ATG2B: variants seen among roughly 807,000 people sequenced by gnomAD.
ATG2B encodes autophagy-related protein 2 homolog B.
Under a neutral mutation model 241.3 loss-of-function variants are expected in ATG2B, and 121 were observed. The observed-to-expected ratio is 0.50, with a 90% CI of 0.43 to 0.58. ATG2B has a LOEUF of 0.58. Ranked by LOEUF, ATG2B falls within the 20% of genes least tolerant of loss-of-function variation. The pLI is 0.00. For synonymous variants in ATG2B, 858 were observed against 876.6 expected, an observed-to-expected ratio of 0.98 and a Z score of 0.37; for missense variants, 2,306 against 2,491.6, an observed-to-expected ratio of 0.93 and a Z score of 1.59.
At position 96,332,606 on chromosome 14, in the gene ATG2B, G is replaced by C. The variant is rs769459674; in HGVS notation, c.1257C>G (p.Leu419=). The C allele has an allele frequency of 6.2e-7, 1 of 1,604,124 alleles. No individual in the cohort carries two copies. The highest frequency in any genetic ancestry group is 8.5e-7 in the Non-Finnish European group (1 of 1,176,994). The change falls in exon 9 of 42, where the codon CTC becomes CTG. Residue 419 remains leucine, a synonymous_variant. Coordinates refer to ENST00000359933, the MANE Select transcript of ATG2B (RefSeq NM_018036.7). ...GGTCCCCAAGGGGTGGAAGAGAAGA[G>C]AGACTATGAGACATGTCCATATCAG... is the stretch of plus-strand genomic sequence containing the variant. ...SMADMDMSHS[L]SSLPPLGDPP...
intron 29 of ATG2B, among the ~76,000 whole-genome samples, chr14:96,308,283 T>TGTATATATATA (rs1491275020): frequency 6.6e-5 from 2 of 30,234 alleles, no homozygotes; most frequent in Non-Finnish European, 1.3e-4. Flanking sequence ...TATATATATA[T>TGTATATATATA]TTTTTTTTTT....
chr14:96,321,125 G>T (rs977954962), intron 18 of ATG2B, among the ~76,000 whole-genome samples: 2 of 151,972 alleles, frequency 1.3e-5, no homozygotes, highest in African/African-American at 4.8e-5. Flanking sequence ...AAGAATCCTG[G>T]AACTTAATTT....
intron 4 of ATG2B, among the ~76,000 whole-genome samples, chr14:96,343,702 T>C (rs1391291828): frequency 1.3e-5 from 2 of 152,212 alleles, no homozygotes; most frequent in East Asian, 3.8e-4. Context: ...TTGGTAACAG[T>C]GTGACAGCAT....
chr14:96,291,836 T>A (rs1284819331), intron 37 of ATG2B, 154 bp from the exon 38 acceptor site: 1 of 616,346 alleles, frequency 1.6e-6, no homozygotes, highest in Admixed American at 3.4e-5. Flanking sequence ...ACAATACATA[T>A]GACCCAATTT....
rs1459653109 is a variant in ATG2B at position 96,282,116 on chromosome 14, T to G, written c.*3639A>C. 1 of 152,104 alleles carries G rather than the reference T, an allele frequency of 6.6e-6. No individual in the cohort carries two copies. Among genetic ancestry groups the G allele is most frequent in the African/African-American group, 2.4e-5 (1 of 41,414 alleles). 9.4% of individuals were successfully genotyped at this position (152,104 alleles called of 1,614,324 possible). ...CACTATTTGTCTTATATGAAAAGAGTGACTCTATCTTCCAGTAAACAAGAT... is the reference window on the plus strand; with the variant it reads ...CACTATTTGTCTTATATGAAAAGAGGGACTCTATCTTCCAGTAAACAAGAT... On this transcript the variant is annotated 3_prime_UTR_variant, in exon 42 of 42. Coordinates refer to ENST00000359933, the MANE Select transcript of ATG2B (RefSeq NM_018036.7).
intron 5 of ATG2B, 65 bp from the exon 6 acceptor site, chr14:96,341,766 TATAA>T: frequency 8.4e-7 from 1 of 1,188,554 alleles, no homozygotes; most frequent in African/African-American, 1.5e-5. Flanking sequence ...AAATGTAAAA[TATAA>T]ATGTCAACTT....
In ATG2B at chr14:96,316,549, G is replaced by A. The variant is rs1264410395; in HGVS notation, c.3345C>T (p.Phe1115=). 1 of 1,613,420 alleles carries A rather than the reference G, an allele frequency of 6.2e-7. No homozygotes were observed. The highest frequency in any genetic ancestry group is 8.5e-7 in the Non-Finnish European group (1 of 1,179,806). ...TTGTCCTACCTTTATGGTACAGACTGAAACTGCTAGAATGAAGGCAAATGT... is the reference window on the plus strand; with the variant it reads ...TTGTCCTACCTTTATGGTACAGACTAAAACTGCTAGAATGAAGGCAAATGT... ...KHYICLHSSS[F]SLYHKGIVNG... Residue 1115 remains phenylalanine (F), a synonymous_variant, in exon 21 of 42, where the codon TTC becomes TTT. Transcript: ENST00000359933.
At position 96,355,110 on chromosome 14, in the gene ATG2B, G is replaced by C. The variant is rs140802052; in HGVS notation, c.162+7705C>G. Among the ~76,000 whole-genome samples, 712 of 152,268 alleles carry C rather than the reference G, an allele frequency of 4.7e-3. 6 individuals are homozygous for C. Among genetic ancestry groups the C allele is most frequent in the African/African-American group, 0.017 (693 of 41,562 alleles). Reference sequence around the variant, plus strand: ...AGGCTGTCTGTTCATTCTGATGACAGTTTCTTTTGCTGTGCAGAAGCTCTT... The same window carrying C: ...AGGCTGTCTGTTCATTCTGATGACACTTTCTTTTGCTGTGCAGAAGCTCTT... On this transcript the variant is annotated intron_variant, in intron 1 of 41. Transcript: ENST00000359933.
intron 33 of ATG2B, among the ~76,000 whole-genome samples, chr14:96,302,510 G>A (rs1886819983): frequency 6.6e-6 from 1 of 152,154 alleles, no homozygotes; most frequent in Non-Finnish European, 1.5e-5. Flanking sequence ...TTGAGCGCAG[G>A]AGGTCACGGC....
chr14:96,343,089 T>G, intron 5 of ATG2B, 30 bp downstream of exon 5: 1 of 1,481,608 alleles, frequency 6.7e-7, no homozygotes, highest in Non-Finnish European at 9.0e-7. Flanking sequence ...AATCTATGAT[T>G]ATGGTTTTAG....
At chr14:96,297,004 T>C (rs751382485) in intron 34 of ATG2B, among the ~76,000 whole-genome samples, 5 of 152,114 alleles carry the variant, frequency 3.3e-5, no homozygotes, top group Non-Finnish European at 5.9e-5. Flanking sequence ...GGTGGTTTCG[T>C]CAGTAGTGGA....
In ATG2B at chr14:96,282,196, C is replaced by A. The variant is rs1407143699; in HGVS notation, c.*3559G>T. 6.6e-6 allele frequency: 1 copy of A among 152,198 alleles called. No individual in the cohort carries two copies. The highest frequency in any genetic ancestry group is 1.5e-5 in the Non-Finnish European group (1 of 68,030). 9.4% of individuals were successfully genotyped at this position (152,198 alleles called of 1,614,324 possible). A position where few individuals can be genotyped will look rare whatever the true frequency, so the allele number is the denominator to read the frequency against. ...CATTATCTATAAACTATACAAATAA[C>A]CTTCCTTTTTAACCTAAGACTCAAA... On this transcript the variant is annotated 3_prime_UTR_variant, in exon 42 of 42. Transcript: ENST00000359933.
At chr14:96,345,210 G>T (rs540566192) in intron 3 of ATG2B, 23 bp downstream of exon 3, 7 of 1,591,322 alleles carry the variant, frequency 4.4e-6, no homozygotes, top group Non-Finnish European at 6.0e-6. Context: ...CTAAATTTTT[G>T]AAAATTCTCA....
intron 11 of ATG2B, 22 bp from the exon 12 acceptor site, chr14:96,329,656 T>G: frequency 6.7e-7 from 1 of 1,503,738 alleles, no homozygotes; most frequent in Non-Finnish European, 9.2e-7. Flanking sequence ...AATGCACCAT[T>G]TAAGATTATT....
chr14:96,328,867 G>A lies in ATG2B; in HGVS notation c.1882-101C>T, dbSNP rs543625998. 5.1e-5 allele frequency: 43 copies of A among 850,852 alleles called. 1 individual carries two copies. The South Asian group carries it at 8.9e-4, about 18-fold the overall frequency. The allele number at this position is 850,852 out of a possible 1,614,324, so 52.7% of individuals were successfully genotyped here. A position where few individuals can be genotyped will look rare whatever the true frequency, so the allele number is the denominator to read the frequency against. ...AAGGCTTTCTGAAGTCAGAAATCTG[G>A]TTTTAAGTTTCATTTTTGTCACTTA... On this transcript the variant is annotated intron_variant, in intron 12 of 41. Transcript: ENST00000359933.
chr14:96,328,702 T>C lies in ATG2B; in HGVS notation c.1946A>G (p.Tyr649Cys). 1 of 1,611,526 alleles carries C rather than the reference T, an allele frequency of 6.2e-7. No individual in the cohort carries two copies. Among genetic ancestry groups the C allele is most frequent in the Non-Finnish European group, 8.5e-7 (1 of 1,179,206 alleles). Residue 649 changes from tyrosine (Y) to cysteine (C), a missense_variant, in exon 13 of 42, where the codon TAT becomes TGT. Coordinates refer to ENST00000359933, the MANE Select transcript of ATG2B (RefSeq NM_018036.7). ...SHSPVCLQLH[Y>C]KHSENRGPQG... is the part of the protein sequence containing the mutation. ...GGGCCCTCTATTCTCAGAATGCTTA[T>C]AATGAAGCTGAAGACACACAGGGGA...
intron 31 of ATG2B, 66 bp downstream of exon 31, chr14:96,305,523 A>T: frequency 8.9e-7 from 1 of 1,126,678 alleles, no homozygotes; most frequent in Non-Finnish European, 1.3e-6. Context: ...GGAAATGGAA[A>T]ATTCTATTTT....
Position 96,363,251 on chromosome 14 carries a change from C to A in ATG2B, c.-275G>T, listed in dbSNP as rs967917861. The A allele has an allele frequency of 1.3e-5, 5 of 374,130 alleles. No homozygotes were observed. Among genetic ancestry groups the A allele is most frequent in the African/African-American group, 4.3e-5 (2 of 46,252 alleles). 23.2% of individuals were successfully genotyped at this position (374,130 alleles called of 1,614,324 possible). A position where few individuals can be genotyped will look rare whatever the true frequency, so the allele number is the denominator to read the frequency against. On this transcript the variant is annotated 5_prime_UTR_variant, in exon 1 of 42. Coordinates refer to ENST00000359933, the MANE Select transcript of ATG2B (RefSeq NM_018036.7). Reference sequence around the variant, plus strand: ...CCGGCTCGGAGAGAGTGCAAGAGAGCGCGAGAGGAGGCGGCAGGGGCTGAG... The same window carrying A: ...CCGGCTCGGAGAGAGTGCAAGAGAGAGCGAGAGGAGGCGGCAGGGGCTGAG...
At chr14:96,335,063 T>C (rs1166775600) in intron 6 of ATG2B, among the ~76,000 whole-genome samples, 1 of 152,210 alleles carries the variant, frequency 6.6e-6, no homozygotes, top group African/African-American at 2.4e-5. Flanking sequence ...AGATGGTGCT[T>C]AGGTGGACTT....
Sources: allele counts gnomAD v4.1 joint callset (sites outside exome capture counted in the v4.1 genomes callset), GRCh38; gene constraint gnomAD v4.1.1; transcripts MANE v1.5; gene names NCBI Gene and HGNC (gene_info 2026-07-23, HGNC 2026-07-21).